The following RTN4RL1 variants were observed in gnomAD, a reference collection of about 807,000 sequenced individuals.
RTN4RL1 encodes reticulon 4 receptor like 1.
RTN4RL1 carries 7 observed loss-of-function variants against 25.6 expected under a neutral mutation model. The observed-to-expected ratio is 0.27, with a 90% CI of 0.16 to 0.51. RTN4RL1 has a LOEUF of 0.51. Among genes scored for constraint, RTN4RL1 ranks in the 20% least tolerant of loss-of-function variants. RTN4RL1 has a pLI of 0.97. For missense variants in RTN4RL1, 500 were observed against 615.6 expected (o/e 0.81, Z 1.99); for synonymous variants, 297 against 288.2 (o/e 1.03, Z -0.31).
chr17:2,019,833 A>G (rs1338031071), intron 1 of RTN4RL1: 1 of 152,268 alleles, frequency 6.6e-6, no homozygotes, highest in Non-Finnish European at 1.5e-5. Context: ...ACTCTGCAGT[A>G]AGGAATTGTT....
chr17:1,966,812 G>C (rs933949770), intron 1 of RTN4RL1, among the ~76,000 whole-genome samples: 1 of 152,060 alleles, frequency 6.6e-6, no homozygotes. Flanking sequence ...ACCTAGTTCC[G>C]GCATTGCCAC....
intron 1 of RTN4RL1, among the ~76,000 whole-genome samples, chr17:1,977,474 G>C (rs1422663482): frequency 6.6e-6 from 1 of 152,142 alleles, no homozygotes; most frequent in Non-Finnish European, 1.5e-5. Context: ...TCCCCCTGAG[G>C]ATGACTTTCC....
In RTN4RL1 at chr17:2,025,060, C is replaced by T; in HGVS notation, c.-195G>A. 2.2e-6 allele frequency: 1 copy of T among 457,086 alleles called. No individual in the cohort carries two copies. Among genetic ancestry groups the T allele is most frequent in the Non-Finnish European group, 3.8e-6 (1 of 264,434 alleles). 28.3% of individuals were successfully genotyped at this position (457,086 alleles called of 1,614,324 possible). A position where few individuals can be genotyped will look rare whatever the true frequency, so the allele number is the denominator to read the frequency against. ...CAGCCCCGCGCCGAGGGCACCGGCG[C>T]CCGCAAGCAACCGTGGTGCTGCCCG... On this transcript the variant is annotated 5_prime_UTR_variant, in exon 1 of 2. Transcript: ENST00000331238. The surrounding 1 kb of genome is among the most constrained non-coding windows in gnomAD (Gnocchi z 4.8).
chr17:2,024,752 C>T, intron 1 of RTN4RL1, 101 bp downstream of exon 1: 1 of 1,223,156 alleles, frequency 8.2e-7, no homozygotes. Context: ...CCGCCGGGGG[C>T]TACTTCCCAG....
At position 1,936,824 on chromosome 17, in the gene RTN4RL1, T is replaced by C. The variant is rs1434630113; in HGVS notation, c.998A>G (p.His333Arg). 5 of 1,582,022 alleles carry C rather than the reference T, an allele frequency of 3.2e-6. No homozygotes were observed. Among genetic ancestry groups the C allele is most frequent in the Admixed American group, 1.8e-5 (1 of 54,774 alleles). Residue 333 changes from histidine (H) to arginine (R), a missense_variant, in exon 2 of 2, where the codon CAC becomes CGC. Coordinates refer to ENST00000331238, the MANE Select transcript of RTN4RL1 (RefSeq NM_178568.4). ...RAARKEHHSP[H>R]GPTRSKGHPH... ...GTGGCCCTTGCTCCTGGTGGGGCCG[T>C]GGGGTGAGTGGTGTTCCTTGCGGGC... is the stretch of plus-strand genomic sequence containing the variant.
At chr17:2,006,771 C>T (rs1483038573) in intron 1 of RTN4RL1, among the ~76,000 whole-genome samples, 1 of 152,206 alleles carries the variant, frequency 6.6e-6, no homozygotes, top group African/African-American at 2.4e-5. Context: ...CAGGCACATG[C>T]CATGATGCCT....
chr17:1,959,008 C>T (rs945395385), intron 1 of RTN4RL1, among the ~76,000 whole-genome samples: 4 of 152,220 alleles, frequency 2.6e-5, no homozygotes, highest in Admixed American at 6.5e-5. Flanking sequence ...AGGGAAAAGA[C>T]GCGGAGGGTG....
intron 1 of RTN4RL1, among the ~76,000 whole-genome samples, chr17:1,963,577 T>C (rs1008732808): frequency 6.6e-6 from 1 of 152,170 alleles, no homozygotes; most frequent in Non-Finnish European, 1.5e-5. Context: ...ACCCCATAGC[T>C]GTCATCACCT....
rs764074191 is a variant in RTN4RL1, at chr17:1,936,739, G to A, written c.1083C>T (p.Asn361=). ...KPGKNCTNPR[N]RNQISKAGAG... ...CGCCCGCCTTAGAGATCTGATTGCGGTTCCTGGGGTTGGTGCAGTTCTTCC... is the reference window on the plus strand; with the variant it reads ...CGCCCGCCTTAGAGATCTGATTGCGATTCCTGGGGTTGGTGCAGTTCTTCC... The change falls in exon 2 of 2, where the codon AAC becomes AAT. Residue 361 remains asparagine, a synonymous_variant. Coordinates refer to ENST00000331238, the MANE Select transcript of RTN4RL1 (RefSeq NM_178568.4). The A allele has an allele frequency of 6.3e-7, 1 of 1,595,960 alleles. No individual in the cohort carries two copies. The highest frequency in any genetic ancestry group is 8.5e-7 in the Non-Finnish European group (1 of 1,172,800).
At chr17:1,940,979 C>T (rs977520298) in intron 1 of RTN4RL1, among the ~76,000 whole-genome samples, 1 of 152,190 alleles carries the variant, frequency 6.6e-6, no homozygotes, top group Non-Finnish European at 1.5e-5. Context: ...AGAGGCCTTG[C>T]GGCAGGGGGA....
chr17:2,007,675 G>C (rs1447056320), intron 1 of RTN4RL1, among the ~76,000 whole-genome samples: 3 of 152,230 alleles, frequency 2.0e-5, no homozygotes, highest in African/African-American at 7.2e-5. Context: ...GCTGGGCACA[G>C]TGGCTCACGC....
chr17:1,949,516 T>G (rs1915632371), intron 1 of RTN4RL1, among the ~76,000 whole-genome samples: 1 of 152,170 alleles, frequency 6.6e-6, no homozygotes. Flanking sequence ...CCAGGGTCCT[T>G]GTTCCCCAGC....
chr17:1,987,175 T>C (rs2066890829), intron 1 of RTN4RL1, among the ~76,000 whole-genome samples: 1 of 152,040 alleles, frequency 6.6e-6, no homozygotes. Flanking sequence ...TGCTTTTCCT[T>C]TGGGAGAGCC....
chr17:1,971,389 C>T (rs1035165599), intron 1 of RTN4RL1, among the ~76,000 whole-genome samples: 5 of 152,172 alleles, frequency 3.3e-5, no homozygotes, highest in Admixed American at 6.5e-5. Context: ...CACCCAGTCT[C>T]GGGTGTTTCT....
chr17:1,956,189 A>T (rs1439142860), intron 1 of RTN4RL1, among the ~76,000 whole-genome samples: 1 of 152,194 alleles, frequency 6.6e-6, no homozygotes, highest in East Asian at 1.9e-4. Context: ...AGCAGCAGGC[A>T]GCTCAGCAGG....
At chr17:1,955,773 A>G (rs948517562) in intron 1 of RTN4RL1, among the ~76,000 whole-genome samples, 1 of 151,462 alleles carries the variant, frequency 6.6e-6, no homozygotes, top group Non-Finnish European at 1.5e-5. Context: ...TAGTAGAGAC[A>G]GGGTTTCGCC....
In RTN4RL1 at chr17:1,988,523, G is replaced by GA. The variant is rs1173996893; in HGVS notation, c.13+36329dup. ...CTCTGTCTCAAAAAAAAAAAAAAAA[G>GA]AAAAGAAAAGAAAAAGAAAGAATTA... On this transcript the variant is annotated intron_variant, in intron 1 of 1. Transcript: ENST00000331238. 1.3e-3 allele frequency among the ~76,000 whole-genome samples: 125 copies of GA among 95,776 alleles called. 2 individuals are homozygous for GA. The highest frequency in any genetic ancestry group is 4.1e-3 in the African/African-American group (114 of 27,606). 62.8% of individuals were successfully genotyped at this position (95,776 alleles called of 152,430 possible). A position where few individuals can be genotyped will look rare whatever the true frequency, so the allele number is the denominator to read the frequency against.
chr17:1,963,637 A>T (rs1201736510), intron 1 of RTN4RL1, among the ~76,000 whole-genome samples: 1 of 152,200 alleles, frequency 6.6e-6, no homozygotes, highest in African/African-American at 2.4e-5. Context: ...GAACAAATCT[A>T]TGGGAATTTG....
chr17:2,014,462 G>T (rs2151327861), intron 1 of RTN4RL1, among the ~76,000 whole-genome samples: 1 of 152,328 alleles, frequency 6.6e-6, no homozygotes, highest in South Asian at 2.1e-4. Flanking sequence ...GAGACCTGAG[G>T]ATGGGAGTGC....
Sources: allele counts gnomAD v4.1 joint callset (sites outside exome capture counted in the v4.1 genomes callset), GRCh38; gene constraint gnomAD v4.1.1; non-coding constraint Gnocchi (gnomAD v3.1); transcripts MANE v1.5; gene names NCBI Gene and HGNC (gene_info 2026-07-23, HGNC 2026-07-21).